The following DCDC1 variants were observed in gnomAD, a reference collection of about 807,000 sequenced individuals.
DCDC1 encodes the protein doublecortin domain-containing protein 1.
Under a neutral mutation model 178.3 loss-of-function variants are expected in DCDC1, and 200 were observed. The observed-to-expected ratio is 1.12, with a 90% CI of 1.00 to 1.26. The LOEUF (loss-of-function observed/expected upper bound fraction) is 1.26, where lower values mean the gene tolerates loss of function less well. Ranked by LOEUF, DCDC1 falls within the 50% of genes most tolerant of loss-of-function variation. DCDC1 has a pLI of 0.00. For missense variants in DCDC1, 1,983 were observed against 1,749.2 expected (o/e 1.13, Z -2.38); for synonymous variants, 690 against 604.8 (o/e 1.14, Z -2.07).
chr11:31,360,839 T>A (rs1471381016), intron 1 of DCDC1, among the ~76,000 whole-genome samples: 5 of 152,200 alleles, frequency 3.3e-5, no homozygotes, highest in Non-Finnish European at 7.3e-5. Context: ...GAATCATCAT[T>A]CTGATTCCGT....
chr11:31,022,642 T>TG (rs1491124201), intron 20 of DCDC1, among the ~76,000 whole-genome samples: 56 of 140,926 alleles, frequency 4.0e-4, no homozygotes, highest in African/African-American at 1.3e-3. Context: ...TGTCTTTTAG[T>TG]TTGTGTGTGT....
intron 2 of DCDC1, among the ~76,000 whole-genome samples, chr11:31,328,945 CTTTTTTTTTTTTTTTTT>C (rs1176942329): frequency 2.1e-5 from 1 of 47,800 alleles, no homozygotes; most frequent in Non-Finnish European, 4.2e-5. Context: ...CACCACAAGG[CTTTTTTTTTTTTTTTTT>C]TTTTTTTTTT....
At chr11:31,221,812 T>C (rs1368061486) in intron 9 of DCDC1, among the ~76,000 whole-genome samples, 1 of 152,194 alleles carries the variant, frequency 6.6e-6, no homozygotes, top group East Asian at 1.9e-4. Context: ...AAGAATTTTC[T>C]AAATCTTTAA....
chr11:31,176,694 T>C (rs933313214), intron 9 of DCDC1, among the ~76,000 whole-genome samples: 1 of 152,136 alleles, frequency 6.6e-6, no homozygotes, highest in Non-Finnish European at 1.5e-5. Context: ...CATTAGACTA[T>C]CAGCAGATTT....
intron 9 of DCDC1, among the ~76,000 whole-genome samples, chr11:31,194,003 C>T (rs1331518782): frequency 6.6e-6 from 1 of 152,024 alleles, no homozygotes; most frequent in African/African-American, 2.4e-5. Context: ...AACTCTTGAC[C>T]ATAATATTAA....
chr11:31,305,621 T>C lies in DCDC1; in HGVS notation c.748A>G (p.Ile250Val). 1 of 1,612,844 alleles carries C rather than the reference T, an allele frequency of 6.2e-7. No homozygotes were observed. Among genetic ancestry groups the C allele is most frequent in the Non-Finnish European group, 8.5e-7 (1 of 1,179,270 alleles). Residue 250 changes from isoleucine to valine, a missense_variant, in exon 6 of 39, where the codon ATT becomes GTT. Ile to Val is a conservative substitution (Grantham distance 29). Coordinates refer to ENST00000684477, the MANE Select transcript of DCDC1 (RefSeq NM_001387274.1). ...GEPFLNPFKK[I>V]KDHLLLIKKV... is the part of the protein sequence containing the mutation. ...TTTTTTAGATCTTTTTTACCTTTAA[T>C]TTTTTTGAATGGATTTAAAAAGGGC...
At chr11:31,056,649 C>A (rs1955603252) in intron 20 of DCDC1, among the ~76,000 whole-genome samples, 1 of 151,896 alleles carries the variant, frequency 6.6e-6, no homozygotes, top group Non-Finnish European at 1.5e-5. Context: ...ATTGTATGTA[C>A]CTAATAATCT....
At chr11:30,914,031 A>AT (rs1565066552) in intron 27 of DCDC1, among the ~76,000 whole-genome samples, 1 of 152,228 alleles carries the variant, frequency 6.6e-6, no homozygotes, top group Non-Finnish European at 1.5e-5. Flanking sequence ...AAGAGTAAAG[A>AT]TTTTTTATCT....
chr11:31,365,100 C>T (rs767808785), intron 1 of DCDC1, among the ~76,000 whole-genome samples: 2 of 152,074 alleles, frequency 1.3e-5, no homozygotes, highest in Non-Finnish European at 2.9e-5. Flanking sequence ...GTCTGTTTAC[C>T]CAGATAAACT....
At chr11:31,291,947 T>C (rs539642163) in intron 6 of DCDC1, among the ~76,000 whole-genome samples, 1 of 152,118 alleles carries the variant, frequency 6.6e-6, no homozygotes, top group Admixed American at 6.6e-5. Flanking sequence ...GTGGTTGTAA[T>C]AACCTTCGAG....
intron 9 of DCDC1, among the ~76,000 whole-genome samples, chr11:31,214,453 C>A (rs1174287622): frequency 6.6e-6 from 1 of 152,008 alleles, no homozygotes; most frequent in African/African-American, 2.4e-5. Flanking sequence ...ATTCACTCTG[C>A]TGCACACAGC....
intron 32 of DCDC1, 137 bp downstream of exon 32, chr11:30,903,345 G>T: frequency 2.5e-6 from 2 of 789,768 alleles, no homozygotes; most frequent in Non-Finnish European, 3.6e-6. Flanking sequence ...CAATTTCATT[G>T]ACACTCTTCG....
At chr11:31,102,379 T>C in intron 14 of DCDC1, 97 bp from the exon 15 acceptor site, 2 of 501,650 alleles carry the variant, frequency 4.0e-6, no homozygotes, top group Non-Finnish European at 7.3e-6. Flanking sequence ...TTATGCTTTA[T>C]GTATACTCCA....
Position 31,110,289 on chromosome 11 carries a change from G to C in DCDC1, c.1558C>G (p.Pro520Ala). The change falls in exon 12 of 39, where the codon CCA (proline) becomes GCA (alanine). Residue 520 changes from proline (P) to alanine (A), a missense_variant. Transcript: ENST00000684477. ...ISKKDLGSDS[P>A]IQTDHMMERL... is the part of the protein sequence containing the mutation. ...TCCATCATATGGTCAGTTTGAATTG[G>C]GCTATCCGATCCCAAATCTTTTTTA... 2.8e-6 allele frequency: 2 copies of C among 715,416 alleles called. No homozygotes were observed. Among genetic ancestry groups the C allele is most frequent in the South Asian group, 2.9e-5 (2 of 68,406 alleles). The allele number at this position is 715,416 out of a possible 1,614,324, so 44.3% of individuals were successfully genotyped here.
intron 38 of DCDC1, among the ~76,000 whole-genome samples, chr11:30,867,293 T>C (rs1020949052): frequency 6.6e-6 from 1 of 152,220 alleles, no homozygotes; most frequent in Admixed American, 6.5e-5. Flanking sequence ...GATTTGGGTA[T>C]AAATCCCAGT....
At chr11:31,177,777 G>C (rs1256800739) in intron 9 of DCDC1, among the ~76,000 whole-genome samples, 2 of 151,994 alleles carry the variant, frequency 1.3e-5, no homozygotes, top group Non-Finnish European at 2.9e-5. Context: ...AAGAGACAAA[G>C]AAGATTACAA....
intron 11 of DCDC1, among the ~76,000 whole-genome samples, chr11:31,117,520 G>A (rs769746102): frequency 2.6e-5 from 4 of 152,084 alleles, no homozygotes; most frequent in Non-Finnish European, 4.4e-5. Flanking sequence ...TGGAGCAGAG[G>A]AAGGGCCAAA....
intron 20 of DCDC1, among the ~76,000 whole-genome samples, chr11:30,978,744 T>C (rs1418178489): frequency 2.7e-5 from 4 of 148,482 alleles, no homozygotes; most frequent in African/African-American, 1.0e-4. Context: ...ACAAGTGCCA[T>C]TAACCAAATT....
intron 20 of DCDC1, among the ~76,000 whole-genome samples, chr11:30,957,596 T>A (rs979746893): frequency 6.6e-6 from 1 of 152,192 alleles, no homozygotes; most frequent in Non-Finnish European, 1.5e-5. Flanking sequence ...AGAGGTGCAG[T>A]GTTGGTCCTA....
Sources: gnomAD v4.1 joint callset for allele counts (sites outside exome capture counted in the v4.1 genomes callset) on GRCh38, gnomAD v4.1.1 for gene constraint, MANE v1.5 for transcripts, NCBI Gene and HGNC (gene_info 2026-07-23, HGNC 2026-07-21) for gene names.